JAKMIP1: variants seen among roughly 807,000 people sequenced by gnomAD.
JAKMIP1 encodes the protein janus kinase and microtubule-interacting protein 1.
JAKMIP1 carries 33 observed loss-of-function variants against 113.0 expected under a neutral mutation model. The ratio of observed to expected loss-of-function variants is 0.29; its 90% CI spans 0.22 to 0.39. The LOEUF (loss-of-function observed/expected upper bound fraction) is 0.39, where lower values mean the gene tolerates loss of function less well. JAKMIP1 is among the 10% of genes least tolerant of loss of function. The pLI is 1.00. For missense variants in JAKMIP1, 813 were observed against 1,080.5 expected (o/e 0.75, Z 3.47); for synonymous variants, 480 against 459.9 (o/e 1.04, Z -0.56).
At position 6,098,661 on chromosome 4, in the gene JAKMIP1, AGAAAGAG is replaced by A. The variant is rs1560180682; in HGVS notation, c.624+6805_624+6811del. Among the ~76,000 whole-genome samples the A allele has an allele frequency of 1.8e-4, 23 of 128,204 alleles. No homozygotes were observed. The South Asian group carries it at 4.0e-3, about 23-fold the overall frequency. 84.1% of individuals were successfully genotyped at this position (128,204 alleles called of 152,430 possible). On this transcript the variant is annotated intron_variant, in intron 3 of 20. Coordinates refer to ENST00000409021, the MANE Select transcript of JAKMIP1 (RefSeq NM_001099433.2). ...AAAAGAAAGAAAGGAAAGGAAAGGAAGAAAGAGAGAGAAAGAAAGAAAGAAAGAAAGA... is the reference window on the plus strand; with the variant it reads ...AAAAGAAAGAAAGGAAAGGAAAGGAAAGAGAAAGAAAGAAAGAAAGAAAGA...
intron 3 of JAKMIP1, among the ~76,000 whole-genome samples, chr4:6,103,482 T>C (rs1005443982): frequency 6.6e-6 from 1 of 152,240 alleles, no homozygotes; most frequent in Non-Finnish European, 1.5e-5. Context: ...CCTGTAATGT[T>C]ATTGCTTTTG....
chr4:6,087,725 A>G (rs1226715501), intron 3 of JAKMIP1, among the ~76,000 whole-genome samples: 3 of 152,166 alleles, frequency 2.0e-5, no homozygotes, highest in East Asian at 3.9e-4. Context: ...CTTATGTGCT[A>G]GTTGTGAGCT....
chr4:6,088,540 T>C lies in JAKMIP1; in HGVS notation c.625-2911A>G, dbSNP rs941834093. Among the ~76,000 whole-genome samples, 10 of 152,220 alleles carry C rather than the reference T, an allele frequency of 6.6e-5. No individual in the cohort carries two copies. Among genetic ancestry groups the C allele is most frequent in the African/African-American group, 2.2e-4 (9 of 41,458 alleles). On this transcript the variant is annotated intron_variant, in intron 3 of 20. Coordinates refer to ENST00000409021, the MANE Select transcript of JAKMIP1 (RefSeq NM_001099433.2). This position sits in a 1 kb window ranked among gnomAD's most constrained non-coding sequence, Gnocchi z 5.5. ...CCTAGTAAGTGAGACAGAGGGCTTCTGCCCCAGTCATCACAAGAAAGTTTC... is the reference window on the plus strand; with the variant it reads ...CCTAGTAAGTGAGACAGAGGGCTTCCGCCCCAGTCATCACAAGAAAGTTTC...
chr4:6,159,288 C>CT (rs1553856552), intron 1 of JAKMIP1, among the ~76,000 whole-genome samples: 2 of 55,946 alleles, frequency 3.6e-5, no homozygotes, highest in Non-Finnish European at 9.9e-5. Flanking sequence ...CACAAATCTG[C>CT]TAAAAAAAAA....
rs1429872325 is a variant in JAKMIP1, at chr4:6,153,086, C to T, written c.-147-40089G>A. On this transcript the variant is annotated intron_variant, in intron 1 of 20. Transcript: ENST00000409021. The surrounding 1 kb of genome is among the most constrained non-coding windows in gnomAD (Gnocchi z 4.9). ...TGTGACCAGCCCCACCCATGCACAT[C>T]CCCCTCCCCTACCTGCCTGAAGACT... Among the ~76,000 whole-genome samples the T allele has an allele frequency of 1.3e-5, 2 of 152,200 alleles. No homozygotes were observed. The highest frequency in any genetic ancestry group is 3.9e-4 in the East Asian group (2 of 5,172).
chr4:6,096,373 TA>T (rs953323371), intron 3 of JAKMIP1, among the ~76,000 whole-genome samples: 1 of 152,240 alleles, frequency 6.6e-6, no homozygotes, highest in African/African-American at 2.4e-5. Flanking sequence ...GTTCCTCTTG[TA>T]AACTTGACAA....
chr4:6,165,512 T>A (rs908715596), intron 1 of JAKMIP1, among the ~76,000 whole-genome samples: 1 of 152,174 alleles, frequency 6.6e-6, no homozygotes, highest in African/African-American at 2.4e-5. Flanking sequence ...ACTATGTTGG[T>A]CAAGCTCTTG....
rs1166842377 is a variant in JAKMIP1 at position 6,197,650 on chromosome 4, C to A, written c.-148+2603G>T. ...GAGGAGTGACCCAGCAGAACTGGGA[C>A]ACACTGCAGTCATCCTCAGACTCCC... On this transcript the variant is annotated intron_variant, in intron 1 of 20. Coordinates refer to ENST00000409021, the MANE Select transcript of JAKMIP1 (RefSeq NM_001099433.2). This position sits in a 1 kb window ranked among gnomAD's most constrained non-coding sequence, Gnocchi z 6.5. Among the ~76,000 whole-genome samples the A allele has an allele frequency of 5.3e-5, 8 of 152,178 alleles. No homozygotes were observed. The highest frequency in any genetic ancestry group is 1.2e-4 in the Non-Finnish European group (8 of 68,028).
intron 8 of JAKMIP1, among the ~76,000 whole-genome samples, chr4:6,072,152 A>G (rs896824064): frequency 1.3e-5 from 2 of 152,178 alleles, no homozygotes; most frequent in Non-Finnish European, 2.9e-5. Context: ...AATTAGGACT[A>G]TTCCCCTACC....
At chr4:6,125,779 CAGAA>C (rs1717386580) in intron 1 of JAKMIP1, among the ~76,000 whole-genome samples, 3 of 135,456 alleles carry the variant, frequency 2.2e-5, no homozygotes, top group African/African-American at 5.9e-5. Flanking sequence ...ACACACCATG[CAGAA>C]ACACACACAC....
intron 8 of JAKMIP1, among the ~76,000 whole-genome samples, chr4:6,066,845 A>T (rs1718166483): frequency 1.3e-5 from 2 of 152,054 alleles, no homozygotes; most frequent in South Asian, 4.2e-4. Context: ...GCCCTACAGG[A>T]TCCACCTCCC....
At chr4:6,056,608 G>A in intron 12 of JAKMIP1, 89 bp downstream of exon 12, 2 of 960,496 alleles carry the variant, frequency 2.1e-6, no homozygotes, top group Non-Finnish European at 3.4e-6. Flanking sequence ...TGCCCAAATG[G>A]CGCTGGGCAC....
chr4:6,134,020 C>G (rs1718889940), intron 1 of JAKMIP1, among the ~76,000 whole-genome samples: 1 of 152,146 alleles, frequency 6.6e-6, no homozygotes, highest in Non-Finnish European at 1.5e-5. Context: ...GTGTGCCCAC[C>G]CAAATCTCAT....
chr4:6,115,277 G>T (rs761958600), intron 1 of JAKMIP1, among the ~76,000 whole-genome samples: 4 of 152,294 alleles, frequency 2.6e-5, no homozygotes, highest in Non-Finnish European at 4.4e-5. Flanking sequence ...GGGCGTGGTG[G>T]TGCGCACCTG....
At position 6,040,794 on chromosome 4, in the gene JAKMIP1, G is replaced by C. The variant is rs1714204619; in HGVS notation, c.2098-78C>G. 1 of 1,144,976 alleles carries C rather than the reference G, an allele frequency of 8.7e-7. No individual in the cohort carries two copies. Among genetic ancestry groups the C allele is most frequent in the African/African-American group, 1.5e-5 (1 of 65,776 alleles). The allele number at this position is 1,144,976 out of a possible 1,614,324, so 70.9% of individuals were successfully genotyped here. A position where few individuals can be genotyped will look rare whatever the true frequency, so the allele number is the denominator to read the frequency against. On this transcript the variant is annotated intron_variant, in intron 17 of 20. Transcript: ENST00000409021. The surrounding 1 kb of genome is among the most constrained non-coding windows in gnomAD (Gnocchi z 5.8). The stretch of plus-strand genomic sequence containing the variant: ...ACAGCTTCAGAGCCCGTTTGCTAGA[G>C]AGTGGCAGTCTCACCGAATTGGGGG...
At chr4:6,058,189 T>C (rs1716752913) in intron 11 of JAKMIP1, among the ~76,000 whole-genome samples, 1 of 152,224 alleles carries the variant, frequency 6.6e-6, no homozygotes, top group African/African-American at 2.4e-5. Flanking sequence ...AGAGAGGACC[T>C]ACCCCCCTGG....
intron 5 of JAKMIP1, among the ~76,000 whole-genome samples, chr4:6,083,004 C>G (rs980088377): frequency 2.6e-5 from 4 of 151,994 alleles, no homozygotes; most frequent in African/African-American, 4.8e-5. Flanking sequence ...AATCCCAATT[C>G]ATATCCATAA....
chr4:6,078,321 A>G (rs987188003), intron 8 of JAKMIP1, among the ~76,000 whole-genome samples: 8 of 143,890 alleles, frequency 5.6e-5, no homozygotes, highest in Admixed American at 3.3e-4. Flanking sequence ...TCTAAAAAAA[A>G]AAAACAAAAA....
chr4:6,092,239 A>T (rs1289855340), intron 3 of JAKMIP1, among the ~76,000 whole-genome samples: 2 of 152,100 alleles, frequency 1.3e-5, no homozygotes, highest in Non-Finnish European at 2.9e-5. Context: ...CACAGCCTGC[A>T]TGCAGAGGAG....
Sources: allele counts gnomAD v4.1 joint callset (sites outside exome capture counted in the v4.1 genomes callset), GRCh38; gene constraint gnomAD v4.1.1; non-coding constraint Gnocchi (gnomAD v3.1); transcripts MANE v1.5; gene names NCBI Gene and HGNC (gene_info 2026-07-23, HGNC 2026-07-21).